Variants in DOCK3 observed in about 807,000 individuals in gnomAD.
The protein encoded by DOCK3 is dedicator of cytokinesis protein 3.
Under a neutral mutation model 265.6 loss-of-function variants are expected in DOCK3, and 60 were observed. The observed-to-expected ratio is 0.23, with a 90% CI of 0.18 to 0.28. DOCK3 has a LOEUF of 0.28. Among genes scored for constraint, DOCK3 ranks in the 10% least tolerant of loss-of-function variants. The probability of loss-of-function intolerance (pLI) is 1.00; values close to 1 mark genes in which losing one functional copy is unlikely to be tolerated. For synonymous variants in DOCK3, 881 were observed against 938.0 expected (o/e 0.94, Z 1.11); for missense variants, 1,981 against 2,594.3 (o/e 0.76, Z 5.14).
intron 21 of DOCK3, among the ~76,000 whole-genome samples, chr3:51,244,994 T>C (rs1171585092): frequency 6.6e-6 from 1 of 152,170 alleles, no homozygotes; most frequent in Non-Finnish European, 1.5e-5. Flanking sequence ...AAAGAGATTA[T>C]ATAACTAATA....
intron 5 of DOCK3, among the ~76,000 whole-genome samples, chr3:51,016,591 T>TATCA: frequency 1.1e-5 from 1 of 89,748 alleles, no homozygotes; most frequent in South Asian, 3.2e-4. Flanking sequence ...ATATCATATA[T>TATCA]TATATATGAT....
intron 5 of DOCK3, among the ~76,000 whole-genome samples, chr3:50,991,468 AAAC>A (rs1194889651): frequency 6.6e-6 from 1 of 152,224 alleles, no homozygotes; most frequent in African/African-American, 2.4e-5. Flanking sequence ...AAACATTTCA[AAAC>A]AACAAAGATT....
intron 27 of DOCK3, among the ~76,000 whole-genome samples, chr3:51,285,976 A>G (rs1234220855): frequency 6.6e-6 from 1 of 152,172 alleles, no homozygotes; most frequent in Non-Finnish European, 1.5e-5. Context: ...AGCCAAAGCA[A>G]TCAGGCAAGA....
intron 28 of DOCK3, 114 bp from the exon 29 acceptor site, chr3:51,311,889 TG>T: frequency 1.5e-6 from 1 of 680,404 alleles, no homozygotes; most frequent in Non-Finnish European, 2.4e-6. Flanking sequence ...ACATCTTACA[TG>T]GGAACAAATT....
chr3:50,948,571 C>T (rs2076503561), intron 5 of DOCK3, among the ~76,000 whole-genome samples: 1 of 151,446 alleles, frequency 6.6e-6, no homozygotes, highest in African/African-American at 2.4e-5. Flanking sequence ...CTTTTCTTTT[C>T]TCTTCTTTTT....
chr3:51,059,415 C>T (rs888356515), intron 5 of DOCK3, among the ~76,000 whole-genome samples: 1 of 151,402 alleles, frequency 6.6e-6, no homozygotes, highest in Non-Finnish European at 1.5e-5. Flanking sequence ...CATGATGCCT[C>T]AGTATCAGTA....
chr3:50,718,771 ATTTTTTTTTTTTTTTTT>A (rs373965842), intron 1 of DOCK3, among the ~76,000 whole-genome samples: 17 of 76,958 alleles, frequency 2.2e-4, no homozygotes, highest in South Asian at 5.2e-4. Flanking sequence ...TTGTGGGTTG[ATTTTTTTTTTTTTTTTT>A]TTTTTTTTTT....
At position 51,156,141 on chromosome 3, in the gene DOCK3, G is replaced by A. The variant is rs114875619; in HGVS notation, c.829-3103G>A. 2.8e-3 allele frequency among the ~76,000 whole-genome samples: 422 copies of A among 152,170 alleles called. 1 individual carries two copies. The highest frequency in any genetic ancestry group is 9.7e-3 in the African/African-American group (401 of 41,518). Reference sequence around the variant, plus strand: ...TACTACCTTATTTTCTGCAACTTACGTATGAATAAGCTGGTTTTATTTTGT... The same window carrying A: ...TACTACCTTATTTTCTGCAACTTACATATGAATAAGCTGGTTTTATTTTGT... On this transcript the variant is annotated intron_variant, in intron 10 of 52. Coordinates refer to ENST00000266037, the MANE Select transcript of DOCK3 (RefSeq NM_004947.5).
Position 51,375,844 on chromosome 3 carries a change from G to T in DOCK3, c.5500+9G>T, listed in dbSNP as rs1473093242. 3.1e-6 allele frequency: 5 copies of T among 1,613,912 alleles called. No homozygotes were observed. In the South Asian group the frequency reaches 5.5e-5, roughly 18 times the overall value. ...GTCTGTGGCTGAAAAAGGTATTGTT[G>T]CCCAGGTGGCCTTCCCCCCATGTCT... is the stretch of plus-strand genomic sequence containing the variant. On this transcript the variant is annotated intron_variant, in intron 51 of 52. Transcript: ENST00000266037.
At chr3:50,889,951 A>G (rs552505663) in intron 3 of DOCK3, 75 bp from the exon 4 acceptor site, 1,344 of 1,178,718 alleles carry the variant, frequency 1.1e-3, no homozygotes, top group Middle Eastern at 2.8e-3. Context: ...CTGAAATCTG[A>G]TTGCTATTTT....
At chr3:51,072,847 G>A (rs1182969696) in intron 6 of DOCK3, among the ~76,000 whole-genome samples, 2 of 151,528 alleles carry the variant, frequency 1.3e-5, no homozygotes, top group African/African-American at 4.8e-5. Context: ...TGGGACTGCA[G>A]TCACATGCCA....
At chr3:50,886,148 C>G (rs944551123) in intron 3 of DOCK3, among the ~76,000 whole-genome samples, 5 of 148,476 alleles carry the variant, frequency 3.4e-5, no homozygotes, top group African/African-American at 1.2e-4. Context: ...GTTGGTCTGC[C>G]TTCTTCTTTC....
rs953971164 is a variant in DOCK3, at chr3:50,675,427, G to A, written c.37+127G>A. 4 of 900,564 alleles carry A rather than the reference G, an allele frequency of 4.4e-6. No individual in the cohort carries two copies. Among genetic ancestry groups the A allele is most frequent in the African/African-American group, 1.8e-5 (1 of 55,366 alleles). The allele number at this position is 900,564 out of a possible 1,614,324, so 55.8% of individuals were successfully genotyped here. A position where few individuals can be genotyped will look rare whatever the true frequency, so the allele number is the denominator to read the frequency against. ...AGGCTGCGCGGCCTCGGCGCGGGGC[G>A]AGCGCGGGGTGGGGGCAGGTGCGGG... On this transcript the variant is annotated intron_variant, in intron 1 of 52. Transcript: ENST00000266037. The surrounding 1 kb of genome is among the most constrained non-coding windows in gnomAD (Gnocchi z 6.1).
intron 3 of DOCK3, among the ~76,000 whole-genome samples, chr3:50,879,663 TC>T (rs1351187069): frequency 6.6e-6 from 1 of 152,200 alleles, no homozygotes; most frequent in East Asian, 1.9e-4. Context: ...AGACTTAGAC[TC>T]CCAAACAATA....
At chr3:51,099,906 C>A (rs1034560392) in intron 9 of DOCK3, among the ~76,000 whole-genome samples, 2 of 152,154 alleles carry the variant, frequency 1.3e-5, no homozygotes, top group African/African-American at 2.4e-5. Context: ...GGGCTACCTT[C>A]CAGGGAAGAG....
At chr3:50,831,285 T>C (rs1297987231) in intron 2 of DOCK3, among the ~76,000 whole-genome samples, 1 of 152,018 alleles carries the variant, frequency 6.6e-6, no homozygotes, top group African/African-American at 2.4e-5. Flanking sequence ...ATGTGCAGAA[T>C]TATTACGTAG....
intron 5 of DOCK3, among the ~76,000 whole-genome samples, chr3:50,981,906 T>A (rs2077707225): frequency 6.6e-6 from 1 of 152,056 alleles, no homozygotes; most frequent in Non-Finnish European, 1.5e-5. Flanking sequence ...CTGGAGTGCA[T>A]TGGCACGATC....
chr3:50,840,084 A>T (rs2045743781), intron 2 of DOCK3, among the ~76,000 whole-genome samples: 2 of 151,704 alleles, frequency 1.3e-5, no homozygotes, highest in South Asian at 4.2e-4. Context: ...TTATTTTCTT[A>T]TTGAGTTTTA....
chr3:50,732,376 C>T (rs2038274628), intron 1 of DOCK3, among the ~76,000 whole-genome samples: 1 of 151,690 alleles, frequency 6.6e-6, no homozygotes, highest in South Asian at 2.1e-4. Flanking sequence ...ACCTATGTAA[C>T]AAACCTGCAC....
Sources: allele counts gnomAD v4.1 joint callset (sites outside exome capture counted in the v4.1 genomes callset), GRCh38; gene constraint gnomAD v4.1.1; non-coding constraint Gnocchi (gnomAD v3.1); transcripts MANE v1.5; gene names NCBI Gene and HGNC (gene_info 2026-07-23, HGNC 2026-07-21).